KCNQ5: variants seen among roughly 807,000 people sequenced by gnomAD.
KCNQ5 encodes potassium voltage-gated channel subfamily KQT member 5.
KCNQ5 carries 30 observed loss-of-function variants against 98.2 expected under a neutral mutation model. The ratio of observed to expected loss-of-function variants is 0.31; its 90% CI spans 0.23 to 0.41. The LOEUF (loss-of-function observed/expected upper bound fraction) is 0.41. Among genes scored for constraint, KCNQ5 ranks in the 10% least tolerant of loss-of-function variants. The pLI is 1.00. For missense variants in KCNQ5, 835 were observed against 1,182.5 expected (o/e 0.71, Z 4.31); for synonymous variants, 458 against 449.4 (o/e 1.02, Z -0.24).
chr6:72,844,517 G>A (rs1776938666), intron 1 of KCNQ5, among the ~76,000 whole-genome samples: 1 of 152,092 alleles, frequency 6.6e-6, no homozygotes, highest in Non-Finnish European at 1.5e-5. Flanking sequence ...CCCCTAACCT[G>A]TATAATTCAA....
chr6:72,892,706 C>A (rs531592334), intron 1 of KCNQ5, among the ~76,000 whole-genome samples: 2 of 150,306 alleles, frequency 1.3e-5, no homozygotes, highest in African/African-American at 4.9e-5. Context: ...TTGAATGGAA[C>A]CTACCTTAAA....
intron 1 of KCNQ5, among the ~76,000 whole-genome samples, chr6:72,950,827 G>A (rs1766769473): frequency 6.6e-6 from 1 of 152,152 alleles, no homozygotes; most frequent in African/African-American, 2.4e-5. Context: ...CCCAAATATT[G>A]ACGCTTTTTG....
At chr6:73,147,421 G>A (rs958073401) in intron 10 of KCNQ5, among the ~76,000 whole-genome samples, 49 of 152,136 alleles carry the variant, frequency 3.2e-4, no homozygotes, top group African/African-American at 1.1e-3. Context: ...TAAATGGAAC[G>A]TTAAAAGTTA....
At chr6:72,789,785 G>T (rs1174988447) in intron 1 of KCNQ5, among the ~76,000 whole-genome samples, 1 of 152,166 alleles carries the variant, frequency 6.6e-6, no homozygotes, top group Non-Finnish European at 1.5e-5. Context: ...CAAAACATAG[G>T]ACACTTAGTC....
intron 1 of KCNQ5, among the ~76,000 whole-genome samples, chr6:72,916,698 T>C (rs1780157412): frequency 6.6e-6 from 1 of 152,224 alleles, no homozygotes; most frequent in Non-Finnish European, 1.5e-5. Context: ...ATCTCATTGT[T>C]AAGTAAATTC....
At chr6:72,659,315 A>G (rs2154472823) in intron 1 of KCNQ5, among the ~76,000 whole-genome samples, 1 of 152,230 alleles carries the variant, frequency 6.6e-6, no homozygotes, top group South Asian at 2.1e-4. Flanking sequence ...TTGCTCCTGT[A>G]TAATCATCCT....
At chr6:73,165,006 T>C (rs1043022882) in intron 10 of KCNQ5, among the ~76,000 whole-genome samples, 4 of 151,830 alleles carry the variant, frequency 2.6e-5, no homozygotes, top group African/African-American at 9.7e-5. Flanking sequence ...AGAGAGTGGG[T>C]CTCACTCTGT....
chr6:72,902,686 G>T (rs1040143134), intron 1 of KCNQ5, among the ~76,000 whole-genome samples: 1 of 152,110 alleles, frequency 6.6e-6, no homozygotes, highest in Admixed American at 6.5e-5. Context: ...TCCCTGGTAT[G>T]AAACCCATTT....
At chr6:73,010,259 A>G (rs10943075) in intron 2 of KCNQ5, among the ~76,000 whole-genome samples, 23,535 of 152,032 alleles carry the variant, frequency 0.15, 1,945 homozygotes, top group East Asian at 0.25. Context: ...ATGCCACATA[A>G]TTATCTCAAT....
chr6:72,746,253 T>G (rs1387892232), intron 1 of KCNQ5, among the ~76,000 whole-genome samples: 6 of 152,056 alleles, frequency 3.9e-5, no homozygotes, highest in Non-Finnish European at 8.8e-5. Flanking sequence ...GCCCAGAAAT[T>G]TATGCCAGTT....
chr6:73,072,362 T>C lies in KCNQ5; in HGVS notation c.617-4960T>C, dbSNP rs111851435. On this transcript the variant is annotated intron_variant, in intron 3 of 13. Transcript: ENST00000370398. ...AGTTCTTTTCATTGTGATTTTACAT[T>C]GAGCCATGTTATACTTTCTAATACA... 3.9e-5 allele frequency among the ~76,000 whole-genome samples: 6 copies of C among 152,354 alleles called. 1 individual carries two copies. Among genetic ancestry groups the C allele is most frequent in the African/African-American group, 1.2e-4 (5 of 41,596 alleles).
intron 7 of KCNQ5, among the ~76,000 whole-genome samples, chr6:73,115,249 A>C (rs1294072399): frequency 6.6e-6 from 1 of 152,216 alleles, no homozygotes; most frequent in African/African-American, 2.4e-5. Context: ...TGAAACTAGA[A>C]TAAACAGAGA....
intron 1 of KCNQ5, among the ~76,000 whole-genome samples, chr6:72,688,496 C>A (rs1768062425): frequency 6.6e-6 from 1 of 152,122 alleles, no homozygotes; most frequent in African/African-American, 2.4e-5. Context: ...GTCTCTGTGG[C>A]AGAATGGAGT....
chr6:72,864,912 GA>G (rs1362957863), intron 1 of KCNQ5, among the ~76,000 whole-genome samples: 1 of 152,162 alleles, frequency 6.6e-6, no homozygotes, highest in African/African-American at 2.4e-5. Context: ...AAGGATATGG[GA>G]AAACTAGCAT....
chr6:72,823,585 G>A (rs971441815), intron 1 of KCNQ5, among the ~76,000 whole-genome samples: 12 of 152,110 alleles, frequency 7.9e-5, no homozygotes, highest in Admixed American at 6.5e-5. Context: ...TAAGCCAATA[G>A]CAGCTGCAGA....
chr6:72,802,935 C>T (rs967795147), intron 1 of KCNQ5, among the ~76,000 whole-genome samples: 2 of 152,108 alleles, frequency 1.3e-5, no homozygotes, highest in African/African-American at 2.4e-5. Flanking sequence ...ATTGTATTGC[C>T]GTGACTGCCC....
chr6:72,632,511 A>G (rs1165772568), intron 1 of KCNQ5, among the ~76,000 whole-genome samples: 1 of 151,940 alleles, frequency 6.6e-6, no homozygotes, highest in African/African-American at 2.4e-5. Flanking sequence ...GGTTTGTTAC[A>G]TGGGTATATT....
At chr6:72,749,731 A>AT (rs35466053) in intron 1 of KCNQ5, among the ~76,000 whole-genome samples, 119,743 of 151,880 alleles carry the variant, frequency 0.79, 47,763 homozygotes, top group East Asian at 0.95. Context: ...CATTTAAAAA[A>AT]ATATATTTTT....
chr6:72,790,441 A>G (rs1338704167), intron 1 of KCNQ5, among the ~76,000 whole-genome samples: 1 of 152,218 alleles, frequency 6.6e-6, no homozygotes, highest in African/African-American at 2.4e-5. Context: ...TGTAGGGACT[A>G]AAAAGTAAAA....
Sources: gnomAD v4.1 joint callset for allele counts (sites outside exome capture counted in the v4.1 genomes callset) on GRCh38, gnomAD v4.1.1 for gene constraint, MANE v1.5 for transcripts, NCBI Gene and HGNC (gene_info 2026-07-23, HGNC 2026-07-21) for gene names.